TP53BP2: variants seen among roughly 807,000 people sequenced by gnomAD.
The protein encoded by TP53BP2 is apoptosis-stimulating of p53 protein 2.
A neutral mutation model predicts 126.2 loss-of-function variants in TP53BP2; 62 were observed. That is an observed-to-expected ratio of 0.49 (90% CI 0.40 to 0.61). TP53BP2 has a LOEUF of 0.61. Ranked by LOEUF, TP53BP2 falls within the 20% of genes least tolerant of loss-of-function variation. The pLI, the probability that TP53BP2 is intolerant of heterozygous loss-of-function variation, is 0.00. For synonymous variants in TP53BP2, 485 were observed against 502.9 expected (o/e 0.96, Z 0.48); for missense variants, 1,215 against 1,402.8 (o/e 0.87, Z 2.14).
chr1:223,836,566 T>C (rs1663927877), intron 1 of TP53BP2, among the ~76,000 whole-genome samples: 1 of 152,234 alleles, frequency 6.6e-6, no homozygotes, highest in South Asian at 2.1e-4. Flanking sequence ...TTATATATTT[T>C]ATGCTGTAAG....
chr1:223,810,649 T>C (rs2102862325), intron 3 of TP53BP2, 136 bp from the exon 4 acceptor site: 2 of 661,340 alleles, frequency 3.0e-6, no homozygotes, highest in Non-Finnish European at 2.5e-6. Context: ...TATTTTCTAA[T>C]AGCAATGGAC....
chr1:223,816,617 C>G (rs902796621), intron 2 of TP53BP2, among the ~76,000 whole-genome samples: 1 of 152,044 alleles, frequency 6.6e-6, no homozygotes, highest in African/African-American at 2.4e-5. Flanking sequence ...AAACAAAAGT[C>G]AGGTTTTCAG....
intron 1 of TP53BP2, among the ~76,000 whole-genome samples, chr1:223,824,783 TG>T (rs1343060871): frequency 6.6e-6 from 1 of 152,108 alleles, no homozygotes; most frequent in Non-Finnish European, 1.5e-5. Flanking sequence ...AGTCATGATC[TG>T]GCCCCCATTT....
chr1:223,802,096 G>C lies in TP53BP2; in HGVS notation c.1225+20C>G, dbSNP rs373453204. The C allele has an allele frequency of 1.6e-5, 26 of 1,608,950 alleles. No homozygotes were observed. The African/African-American group carries it at 2.8e-4, about 17-fold the overall frequency. ...AGAATAGTGGGGACAGGAAGAACTA[G>C]GCTGTGCAGGACTTTTTACCTTTAG... is the stretch of plus-strand genomic sequence containing the variant. On this transcript the variant is annotated intron_variant, in intron 9 of 17. Coordinates refer to ENST00000343537, the MANE Select transcript of TP53BP2 (RefSeq NM_001031685.3).
At chr1:223,832,925 G>A (rs1663790663) in intron 1 of TP53BP2, among the ~76,000 whole-genome samples, 1 of 152,132 alleles carries the variant, frequency 6.6e-6, no homozygotes, top group Admixed American at 6.6e-5. Flanking sequence ...ATCTGAGTAG[G>A]CAACCCACAG....
intron 1 of TP53BP2, among the ~76,000 whole-genome samples, chr1:223,833,989 A>C (rs1349145188): frequency 6.6e-6 from 1 of 152,222 alleles, no homozygotes; most frequent in Non-Finnish European, 1.5e-5. Context: ...TTTTGAGCTG[A>C]GACTGAAGAA....
At chr1:223,836,326 A>C (rs1322616308) in intron 1 of TP53BP2, among the ~76,000 whole-genome samples, 1 of 152,248 alleles carries the variant, frequency 6.6e-6, no homozygotes, top group Non-Finnish European at 1.5e-5. Context: ...ATTCCGAAGG[A>C]AGGCCGAATG....
intron 2 of TP53BP2, among the ~76,000 whole-genome samples, chr1:223,820,092 T>A (rs947553144): frequency 1.2e-4 from 19 of 152,298 alleles, no homozygotes; most frequent in Non-Finnish European, 2.6e-4. Context: ...AGAAGGAGAT[T>A]AACATTTTAG....
intron 1 of TP53BP2, among the ~76,000 whole-genome samples, chr1:223,827,131 TTGAC>T (rs1429338632): frequency 1.3e-5 from 2 of 152,044 alleles, no homozygotes; most frequent in Non-Finnish European, 2.9e-5. Context: ...ATATGCAAGT[TTGAC>T]TGAGATGAGA....
At chr1:223,829,924 C>T (rs1045906842) in intron 1 of TP53BP2, among the ~76,000 whole-genome samples, 3 of 151,982 alleles carry the variant, frequency 2.0e-5, no homozygotes, top group African/African-American at 7.3e-5. Context: ...ATGTTAACTT[C>T]CTTTGAACTT....
At chr1:223,819,390 G>A (rs914876964) in intron 2 of TP53BP2, among the ~76,000 whole-genome samples, 81 of 151,592 alleles carry the variant, frequency 5.3e-4, no homozygotes, top group African/African-American at 2.0e-3. Context: ...GAGGTAAAGA[G>A]TAAGAAAACT....
intron 1 of TP53BP2, chr1:223,845,282 C>G (rs1664226954): frequency 1.0e-6 from 1 of 983,696 alleles, no homozygotes; most frequent in Non-Finnish European, 1.2e-6. Flanking sequence ...TAAAAAGACA[C>G]AGCAAAGAAC....
intron 1 of TP53BP2, among the ~76,000 whole-genome samples, chr1:223,826,660 T>C (rs1663506472): frequency 6.6e-6 from 1 of 152,222 alleles, no homozygotes; most frequent in African/African-American, 2.4e-5. Flanking sequence ...GAATTACGTA[T>C]TTCAAAATGA....
At chr1:223,781,994 C>T (rs946687616) in intron 17 of TP53BP2, among the ~76,000 whole-genome samples, 6 of 152,126 alleles carry the variant, frequency 3.9e-5, no homozygotes, top group South Asian at 2.1e-4. Context: ...CCACTGCTCC[C>T]GCACTTGGAA....
chr1:223,826,467 T>C lies in TP53BP2; in HGVS notation c.28-5100A>G, dbSNP rs545553040. ...CTAGGGCAAGGACTGTGGATTTTAATCTAAAAGCCCACTGGAGGCAAATCA... is the reference window on the plus strand; with the variant it reads ...CTAGGGCAAGGACTGTGGATTTTAACCTAAAAGCCCACTGGAGGCAAATCA... On this transcript the variant is annotated intron_variant, in intron 1 of 17. Transcript: ENST00000343537. Among the ~76,000 whole-genome samples the C allele has an allele frequency of 2.8e-4, 43 of 152,268 alleles. No homozygotes were observed. In the South Asian group the frequency reaches 5.4e-3, roughly 19 times the overall value.
intron 2 of TP53BP2, among the ~76,000 whole-genome samples, chr1:223,814,737 A>G (rs1382680209): frequency 6.6e-6 from 1 of 152,184 alleles, no homozygotes; most frequent in Non-Finnish European, 1.5e-5. Context: ...GAATATACAA[A>G]GAAAATATTA....
At chr1:223,830,947 A>C (rs1399716599) in intron 1 of TP53BP2, among the ~76,000 whole-genome samples, 1 of 152,002 alleles carries the variant, frequency 6.6e-6, no homozygotes, top group Admixed American at 6.6e-5. Context: ...AATACAAAAA[A>C]ATTAGCCGGG....
intron 1 of TP53BP2, among the ~76,000 whole-genome samples, chr1:223,824,828 G>A (rs1239392439): frequency 6.6e-6 from 1 of 151,724 alleles, no homozygotes; most frequent in Non-Finnish European, 1.5e-5. Context: ...TGCTCTATCA[G>A]CGTCCTCTTT....
At chr1:223,822,887 T>C (rs1228799223) in intron 1 of TP53BP2, among the ~76,000 whole-genome samples, 1 of 152,148 alleles carries the variant, frequency 6.6e-6, no homozygotes, top group East Asian at 1.9e-4. Context: ...TTTATTCAAT[T>C]CAATGAGTAA....
Sources: gnomAD v4.1 joint callset for allele counts (sites outside exome capture counted in the v4.1 genomes callset) on GRCh38, gnomAD v4.1.1 for gene constraint, MANE v1.5 for transcripts, NCBI Gene and HGNC (gene_info 2026-07-23, HGNC 2026-07-21) for gene names.